GAS2: variants seen among roughly 807,000 people sequenced by gnomAD.
The protein encoded by GAS2 is growth arrest specific 2, also known as growth arrest-specific protein 2.
In GAS2, 20 loss-of-function variants were observed where a neutral mutation model predicts 37.5. That is an observed-to-expected ratio of 0.53 (90% CI 0.37 to 0.77). The LOEUF is 0.77. Ranked by LOEUF, GAS2 falls within the 30% of genes least tolerant of loss-of-function variation. The probability of loss-of-function intolerance (pLI) is 0.00; values close to 1 mark genes in which losing one functional copy is unlikely to be tolerated. For synonymous variants in GAS2, 144 were observed against 132.2 expected (o/e 1.09, Z -0.61); for missense variants, 336 against 373.4 (o/e 0.90, Z 0.82).
chr11:22,648,538 G>A (rs1415416030), intron 1 of GAS2, among the ~76,000 whole-genome samples: 1 of 152,114 alleles, frequency 6.6e-6, no homozygotes, highest in Non-Finnish European at 1.5e-5. Context: ...TCACAATATT[G>A]ATTCTTCCTA....
chr11:22,781,280 G>T (rs1311863794), intron 7 of GAS2, among the ~76,000 whole-genome samples: 3 of 152,196 alleles, frequency 2.0e-5, no homozygotes, highest in South Asian at 4.1e-4. Flanking sequence ...GGGATGGGGG[G>T]TCTCCTAGAA....
intron 7 of GAS2, among the ~76,000 whole-genome samples, chr11:22,770,937 T>C (rs1024799571): frequency 3.9e-5 from 6 of 152,216 alleles, no homozygotes; most frequent in African/African-American, 1.2e-4. Flanking sequence ...AGGGTCTTCA[T>C]GGTTGTGACT....
At chr11:22,811,752 G>GTT in intron 7 of GAS2, 46 bp from the exon 8 acceptor site, 1 of 1,568,152 alleles carries the variant, frequency 6.4e-7, no homozygotes, top group Non-Finnish European at 8.8e-7. Context: ...TCAAGGTACT[G>GTT]TAAGAATTCT....
chr11:22,650,571 C>G (rs1474381108), intron 1 of GAS2, among the ~76,000 whole-genome samples: 2 of 147,390 alleles, frequency 1.4e-5, no homozygotes, highest in Non-Finnish European at 3.0e-5. Flanking sequence ...TTGTAGGTCA[C>G]TCAGGACTTG....
chr11:22,786,277 A>G (rs1855814335), intron 7 of GAS2, among the ~76,000 whole-genome samples: 1 of 152,186 alleles, frequency 6.6e-6, no homozygotes, highest in Non-Finnish European at 1.5e-5. Context: ...TGTCACCATC[A>G]ATCTTTATTA....
chr11:22,650,912 A>G (rs1335522360), intron 1 of GAS2, among the ~76,000 whole-genome samples: 4 of 150,946 alleles, frequency 2.6e-5, no homozygotes, highest in Non-Finnish European at 6.0e-5. Flanking sequence ...CATTTAGTCC[A>G]TTTACATTTA....
At chr11:22,715,676 T>C (rs1391690375) in intron 3 of GAS2, among the ~76,000 whole-genome samples, 2 of 151,548 alleles carry the variant, frequency 1.3e-5, no homozygotes, top group Non-Finnish European at 2.9e-5. Context: ...AAGAGACCAA[T>C]AACAAGTAGC....
In GAS2 at chr11:22,638,196, A is replaced by G. The variant is rs1448697385; in HGVS notation, c.-21+12383A>G. ...ATCTTTATGGGCTGTGGTGGAGGAA[A>G]TGTTATAAAAGACACAACTTGCTGC... On this transcript the variant is annotated intron_variant, in intron 1 of 5. Coordinates refer to the GAS2 transcript ENST00000528582. 3.9e-5 allele frequency among the ~76,000 whole-genome samples: 6 copies of G among 152,228 alleles called. No homozygotes were observed. The East Asian group carries it at 1.2e-3, about 29-fold the overall frequency.
At chr11:22,783,547 G>A (rs1176805904) in intron 7 of GAS2, among the ~76,000 whole-genome samples, 13 of 152,002 alleles carry the variant, frequency 8.6e-5, no homozygotes, top group South Asian at 2.1e-4. Context: ...TATGCTTTTC[G>A]TTCCTGTTAC....
chr11:22,769,390 C>A (rs1854859072), intron 7 of GAS2, among the ~76,000 whole-genome samples: 1 of 152,122 alleles, frequency 6.6e-6, no homozygotes, highest in African/African-American at 2.4e-5. Context: ...ATAAATCCAC[C>A]AATAAGTACT....
In GAS2 at chr11:22,780,521, G is replaced by C. The variant is rs79730884; in HGVS notation, c.723+24568G>C. ...CCATATGTGTCTGAGACCTACCACTGTCTCTCTTTCTGGGCAACAGAGCAA... is the reference window on the plus strand; with the variant it reads ...CCATATGTGTCTGAGACCTACCACTCTCTCTCTTTCTGGGCAACAGAGCAA... On this transcript the variant is annotated intron_variant, in intron 7 of 7. Coordinates refer to ENST00000454584, the MANE Select transcript of GAS2 (RefSeq NM_001143830.3). Among the ~76,000 whole-genome samples the C allele has an allele frequency of 8.5e-3, 1,137 of 133,138 alleles. 16 individuals are homozygous for C. The highest frequency in any genetic ancestry group is 0.031 in the African/African-American group (1,068 of 34,712). 87.3% of individuals were successfully genotyped at this position (133,138 alleles called of 152,430 possible).
intron 1 of GAS2, among the ~76,000 whole-genome samples, chr11:22,660,082 G>A (rs569499865): frequency 2.6e-5 from 4 of 152,302 alleles, no homozygotes; most frequent in African/African-American, 9.6e-5. Flanking sequence ...TAATAGATGT[G>A]TGTCATTAGG....
intron 5 of GAS2, among the ~76,000 whole-genome samples, chr11:22,742,426 T>C (rs1027302578): frequency 6.6e-6 from 1 of 152,108 alleles, no homozygotes; most frequent in Non-Finnish European, 1.5e-5. Flanking sequence ...AAAGATCTAT[T>C]TGATGACTAA....
upstream of GAS2, among the ~76,000 whole-genome samples, chr11:22,664,901 T>G (rs1027411322): frequency 6.6e-6 from 1 of 152,160 alleles, no homozygotes; most frequent in Non-Finnish European, 1.5e-5. Context: ...AGTACAACTC[T>G]TAGATGTTAA....
At chr11:22,695,724 G>A (rs1026818606) in intron 3 of GAS2, among the ~76,000 whole-genome samples, 2 of 151,904 alleles carry the variant, frequency 1.3e-5, no homozygotes. Flanking sequence ...AAAGAAAGTT[G>A]GTAGATTTCT....
intron 1 of GAS2, among the ~76,000 whole-genome samples, chr11:22,661,292 T>C (rs796145661): frequency 1.4e-4 from 22 of 152,350 alleles, no homozygotes; most frequent in African/African-American, 5.3e-4. Context: ...TGGCACCCAC[T>C]TTTTCCTCCC....
chr11:22,766,627 G>C (rs1446838171), intron 7 of GAS2, among the ~76,000 whole-genome samples: 1 of 152,026 alleles, frequency 6.6e-6, no homozygotes. Context: ...AAGCACCCAG[G>C]AAACAGAATC....
chr11:22,640,298 A>T (rs1590558631), intron 1 of GAS2, among the ~76,000 whole-genome samples: 1 of 152,220 alleles, frequency 6.6e-6, no homozygotes, highest in Non-Finnish European at 1.5e-5. Flanking sequence ...ATGTATGTAT[A>T]TTCTACAAAT....
At chr11:22,788,067 T>TAAGC (rs996495410) in intron 7 of GAS2, among the ~76,000 whole-genome samples, 9 of 152,184 alleles carry the variant, frequency 5.9e-5, no homozygotes, top group Admixed American at 4.6e-4. Flanking sequence ...AGTTTGTATT[T>TAAGC]AAGCAAGATA....
Sources: allele counts gnomAD v4.1 joint callset (sites outside exome capture counted in the v4.1 genomes callset), GRCh38; gene constraint gnomAD v4.1.1; transcripts MANE v1.5; gene names NCBI Gene and HGNC (gene_info 2026-07-23, HGNC 2026-07-21).